The following ENOX1 variants were observed in gnomAD, a reference collection of about 807,000 sequenced individuals.
ENOX1 encodes candidate growth-related and time keeping constitutive hydroquinone (NADH) oxidase.
ENOX1 carries 42 observed loss-of-function variants against 82.5 expected under a neutral mutation model. The observed-to-expected ratio is 0.51, with a 90% CI of 0.40 to 0.66. ENOX1 has a LOEUF of 0.66. Ranked by LOEUF, ENOX1 falls within the 30% of genes least tolerant of loss-of-function variation. The pLI, the probability that ENOX1 is intolerant of heterozygous loss-of-function variation, is 0.00. For synonymous variants in ENOX1, 271 were observed against 282.2 expected (o/e 0.96, Z 0.40); for missense variants, 608 against 811.6 (o/e 0.75, Z 3.05).
intron 4 of ENOX1, 122 bp downstream of exon 4, chr13:43,412,723 G>T: frequency 1.8e-6 from 2 of 1,089,746 alleles, no homozygotes; most frequent in South Asian, 1.7e-5. Context: ...TAGTTCTACA[G>T]ACTGATTTCT....
chr13:43,563,714 A>G (rs1004893723), intron 2 of ENOX1, among the ~76,000 whole-genome samples: 1 of 152,136 alleles, frequency 6.6e-6, no homozygotes, highest in African/African-American at 2.4e-5. Context: ...AGAGGCTACT[A>G]TGAGCCACTG....
intron 2 of ENOX1, among the ~76,000 whole-genome samples, chr13:43,597,053 C>G (rs1482830765): frequency 6.6e-6 from 1 of 152,102 alleles, no homozygotes; most frequent in African/African-American, 2.4e-5. Flanking sequence ...CTTACAATCA[C>G]GTCAGAAGGC....
intron 1 of ENOX1, among the ~76,000 whole-genome samples, chr13:43,719,688 G>C (rs192100475): frequency 4.6e-5 from 7 of 151,970 alleles, no homozygotes; most frequent in Admixed American, 3.3e-4. Context: ...GGACAGTCTC[G>C]GAACATGCAA....
intron 2 of ENOX1, among the ~76,000 whole-genome samples, chr13:43,519,354 C>A (rs565580360): frequency 1.3e-5 from 2 of 152,202 alleles, no homozygotes; most frequent in South Asian, 4.2e-4. Context: ...TAATCACATG[C>A]CTGCTTAAAA....
intron 1 of ENOX1, among the ~76,000 whole-genome samples, chr13:43,769,530 C>T (rs184175457): frequency 1.4e-4 from 22 of 152,270 alleles, no homozygotes; most frequent in African/African-American, 5.3e-4. Flanking sequence ...AATTATGCTT[C>T]ACTGGTCTTT....
intron 11 of ENOX1, among the ~76,000 whole-genome samples, chr13:43,321,972 A>G (rs886859156): frequency 2.6e-5 from 4 of 152,222 alleles, no homozygotes; most frequent in Non-Finnish European, 5.9e-5. Context: ...CATTTATGGG[A>G]AAAGAAGTCT....
chr13:43,495,924 C>T (rs1320937239), intron 2 of ENOX1, among the ~76,000 whole-genome samples: 1 of 152,052 alleles, frequency 6.6e-6, no homozygotes, highest in Non-Finnish European at 1.5e-5. Flanking sequence ...CTAATGATGT[C>T]ATTATTATGG....
chr13:43,320,435 G>A (rs371169088), intron 11 of ENOX1, among the ~76,000 whole-genome samples: 1 of 152,210 alleles, frequency 6.6e-6, no homozygotes, highest in African/African-American at 2.4e-5. Context: ...GTTCTCATCA[G>A]ATGCCTGGGG....
rs1212829948 is a variant in ENOX1 at position 43,322,581 on chromosome 13, G to C, written c.1144-80C>G. On this transcript the variant is annotated intron_variant, in intron 10 of 16. Coordinates refer to ENST00000690772, the MANE Select transcript of ENOX1 (RefSeq NM_001347969.2). ...AATGGTCTTTGGGTATATATGACTG[G>C]CATATTAACATTCAGAATCCAAAGC... is the stretch of plus-strand genomic sequence containing the variant. 3.6e-6 allele frequency: 4 copies of C among 1,104,184 alleles called. No homozygotes were observed. In the African/African-American group the frequency reaches 6.3e-5, roughly 17 times the overall value. The allele number at this position is 1,104,184 out of a possible 1,614,324, so 68.4% of individuals were successfully genotyped here.
intron 2 of ENOX1, among the ~76,000 whole-genome samples, chr13:43,606,831 A>G (rs1009318576): frequency 6.6e-6 from 1 of 152,248 alleles, no homozygotes; most frequent in African/African-American, 2.4e-5. Flanking sequence ...CCTGGGCCAC[A>G]TGGGAAAACC....
intron 2 of ENOX1, among the ~76,000 whole-genome samples, chr13:43,582,871 T>C (rs1280628124): frequency 1.3e-5 from 2 of 152,146 alleles, no homozygotes; most frequent in African/African-American, 4.8e-5. Flanking sequence ...AGGAGATAAT[T>C]TTCTAGAAAT....
At chr13:43,460,254 C>T (rs1288751750) in intron 3 of ENOX1, among the ~76,000 whole-genome samples, 3 of 152,162 alleles carry the variant, frequency 2.0e-5, no homozygotes, top group Admixed American at 6.5e-5. Flanking sequence ...TCTGTGAGAA[C>T]CTATTGCAAT....
chr13:43,349,182 G>A (rs1302823743), intron 8 of ENOX1, among the ~76,000 whole-genome samples: 1 of 152,120 alleles, frequency 6.6e-6, no homozygotes, highest in African/African-American at 2.4e-5. Context: ...CATTATCTAC[G>A]AGAGATAGAT....
chr13:43,741,582 T>C (rs2089913855), intron 1 of ENOX1, among the ~76,000 whole-genome samples: 1 of 152,208 alleles, frequency 6.6e-6, no homozygotes, highest in African/African-American at 2.4e-5. Flanking sequence ...CATTTTCGAA[T>C]TGTGTTATGT....
chr13:43,597,661 C>T (rs1246692509), intron 2 of ENOX1, among the ~76,000 whole-genome samples: 1 of 152,160 alleles, frequency 6.6e-6, no homozygotes, highest in Admixed American at 6.6e-5. Context: ...CTGGGTCTTG[C>T]TAAAATGTTT....
At chr13:43,296,714 C>A (rs2046304312) in intron 12 of ENOX1, among the ~76,000 whole-genome samples, 1 of 152,184 alleles carries the variant, frequency 6.6e-6, no homozygotes, top group African/African-American at 2.4e-5. Context: ...GCTTCTGCAA[C>A]CCTGACTGAG....
intron 5 of ENOX1, among the ~76,000 whole-genome samples, chr13:43,361,972 T>C (rs940381366): frequency 9.9e-4 from 108 of 109,600 alleles, no homozygotes; most frequent in Admixed American, 3.3e-3. Context: ...CTATTTCCCC[T>C]GGAATAAAAA....
intron 12 of ENOX1, among the ~76,000 whole-genome samples, chr13:43,294,506 C>G (rs1469536939): frequency 6.6e-6 from 1 of 152,134 alleles, no homozygotes; most frequent in South Asian, 2.1e-4. Flanking sequence ...GGATGCAGAA[C>G]TGGAGTTTGC....
intron 5 of ENOX1, among the ~76,000 whole-genome samples, chr13:43,370,854 C>A (rs776906307): frequency 1.3e-5 from 2 of 152,076 alleles, no homozygotes; most frequent in Non-Finnish European, 2.9e-5. Context: ...TGGAGTACTG[C>A]AAAGGACTCT....
Sources: gnomAD v4.1 joint callset for allele counts (sites outside exome capture counted in the v4.1 genomes callset) on GRCh38, gnomAD v4.1.1 for gene constraint, MANE v1.5 for transcripts, NCBI Gene and HGNC (gene_info 2026-07-23, HGNC 2026-07-21) for gene names.